The following SLC25A38 variants were observed in gnomAD, a reference collection of about 807,000 sequenced individuals.
SLC25A38 encodes the protein solute carrier family 25 member 38, also known as mitochondrial glycine transporter.
A neutral mutation model predicts 33.4 loss-of-function variants in SLC25A38; 27 were observed. The ratio of observed to expected loss-of-function variants is 0.81; its 90% confidence interval spans 0.60 to 1.11. The LOEUF (loss-of-function observed/expected upper bound fraction) is 1.11, where lower values mean the gene tolerates loss of function less well. Among genes scored for constraint, SLC25A38 ranks in the 50% most tolerant of loss-of-function variants. The pLI, the probability that SLC25A38 is intolerant of heterozygous loss-of-function variation, is 0.00. For missense variants in SLC25A38, 344 were observed against 388.8 expected (o/e 0.88, Z 0.97); for synonymous variants, 123 against 145.9 (o/e 0.84, Z 1.13).
At chr3:39,388,185 G>A (rs1020614075) in intron 1 of SLC25A38, among the ~76,000 whole-genome samples, 1 of 152,192 alleles carries the variant, frequency 6.6e-6, no homozygotes, top group Non-Finnish European at 1.5e-5. Context: ...TGGCAGAAGA[G>A]CAGGACACCT....
rs1355041819 is a variant in SLC25A38, at chr3:39,384,505, C to CT, written c.69+716dup. On this transcript the variant is annotated intron_variant, in intron 1 of 6. Transcript: ENST00000650617. Reference sequence around the variant, plus strand: ...GGTCTTGCGCCCGAGGTAGGGGCGGCTTTTATTTTTTTTTTTAATCCTTAA... The same window carrying CT: ...GGTCTTGCGCCCGAGGTAGGGGCGGCTTTTTATTTTTTTTTTTAATCCTTAA... 1,926 of 390,166 alleles carry CT rather than the reference C, an allele frequency of 4.9e-3. 34 individuals are homozygous for CT. Among genetic ancestry groups the CT allele is most frequent in the African/African-American group, 0.037 (1,794 of 48,112 alleles). 24.2% of individuals were successfully genotyped at this position (390,166 alleles called of 1,614,324 possible). A position where few individuals can be genotyped will look rare whatever the true frequency, so the allele number is the denominator to read the frequency against.
chr3:39,393,757 C>T (rs1352605370), intron 5 of SLC25A38, among the ~76,000 whole-genome samples: 1 of 152,184 alleles, frequency 6.6e-6, no homozygotes, highest in Non-Finnish European at 1.5e-5. Flanking sequence ...CCTCGGCCTC[C>T]GAAAGTGTTG....
intron 4 of SLC25A38, 41 bp from the exon 5 acceptor site, chr3:39,391,812 G>A (rs914496880): frequency 6.2e-7 from 1 of 1,612,678 alleles, no homozygotes; most frequent in Non-Finnish European, 8.5e-7. Flanking sequence ...CTGAAATGCA[G>A]CGCCTCCATG....
rs35283414 is a variant in SLC25A38 at position 39,392,312 on chromosome 3, G to A, written c.625+291G>A. Among the ~76,000 whole-genome samples, 39,868 of 150,716 alleles carry A rather than the reference G, an allele frequency of 0.26. 5,840 individuals carry two copies. Among genetic ancestry groups the A allele is most frequent in the Non-Finnish European group, 0.32 (21,616 of 67,822 alleles). On this transcript the variant is annotated intron_variant, in intron 5 of 6. Coordinates refer to ENST00000650617, the MANE Select transcript of SLC25A38 (RefSeq NM_017875.4). ...CATGCTTTGCAGAGTTTCTGCAACA[G>A]TACTTCCCAAATTTGATCTTAAGAT...
intron 5 of SLC25A38, among the ~76,000 whole-genome samples, chr3:39,393,503 T>C (rs1406270564): frequency 6.6e-6 from 1 of 152,128 alleles, no homozygotes; most frequent in South Asian, 2.1e-4. Flanking sequence ...ACCTAGATAA[T>C]TTTTTCTTTT....
intron 1 of SLC25A38, among the ~76,000 whole-genome samples, chr3:39,387,021 T>C (rs2125575596): frequency 6.6e-6 from 1 of 151,712 alleles, no homozygotes; most frequent in Middle Eastern, 3.4e-3. Context: ...GGGAGTATGG[T>C]TCATTTAAGG....
chr3:39,391,888 C>T lies in SLC25A38; in HGVS notation c.492C>T (p.Ala164=), dbSNP rs1553611824. 1 of 1,613,922 alleles carries T rather than the reference C, an allele frequency of 6.2e-7. No homozygotes were observed. The change falls in exon 5 of 7, where the codon GCC becomes GCT. Residue 164 remains alanine, a synonymous_variant. Coordinates refer to ENST00000650617, the MANE Select transcript of SLC25A38 (RefSeq NM_017875.4). ...ATGGCTATGAGAGTATCTACGCTGCCCTGAGGAGCATCTATCACAGTGAGG... is the reference window on the plus strand; with the variant it reads ...ATGGCTATGAGAGTATCTACGCTGCTCTGAGGAGCATCTATCACAGTGAGG... ...GKYGYESIYA[A]LRSIYHSEGH... is the part of the protein sequence containing the mutation.
intron 6 of SLC25A38, among the ~76,000 whole-genome samples, 173 bp from the exon 7 acceptor site, chr3:39,396,223 ATT>A (rs901344070): frequency 3.0e-4 from 45 of 150,686 alleles, no homozygotes; most frequent in South Asian, 1.5e-3. Context: ...AAAAAAAAAA[ATT>A]TTTTTTAAGT....
intron 5 of SLC25A38, among the ~76,000 whole-genome samples, chr3:39,394,123 C>T (rs2041804213): frequency 6.6e-6 from 1 of 152,182 alleles, no homozygotes; most frequent in South Asian, 2.1e-4. Context: ...GGGAAGATAA[C>T]TTTGAATCTG....
At chr3:39,385,155 C>T (rs1182706044) in intron 1 of SLC25A38, among the ~76,000 whole-genome samples, 2 of 152,144 alleles carry the variant, frequency 1.3e-5, no homozygotes, top group African/African-American at 4.8e-5. Context: ...TGCCATTCAC[C>T]ATTGACAAAA....
intron 5 of SLC25A38, among the ~76,000 whole-genome samples, chr3:39,392,964 C>T (rs1559393482): frequency 6.6e-6 from 1 of 152,202 alleles, no homozygotes; most frequent in Non-Finnish European, 1.5e-5. Flanking sequence ...CCCATCACTT[C>T]TTGGCCTTTT....
chr3:39,392,821 C>G (rs1314176651), intron 5 of SLC25A38, among the ~76,000 whole-genome samples: 1 of 152,214 alleles, frequency 6.6e-6, no homozygotes, highest in African/African-American at 2.4e-5. Flanking sequence ...GGGAGATTTG[C>G]TGCTTCTACC....
chr3:39,384,977 T>C (rs1345025064), intron 1 of SLC25A38, among the ~76,000 whole-genome samples: 1 of 152,046 alleles, frequency 6.6e-6, no homozygotes, highest in East Asian at 1.9e-4. Flanking sequence ...AGTTTTTGTA[T>C]TTTTAGTAGA....
At chr3:39,391,717 C>T in intron 4 of SLC25A38, 97 bp downstream of exon 4, 1 of 1,602,302 alleles carries the variant, frequency 6.2e-7, no homozygotes, top group Non-Finnish European at 8.5e-7. Flanking sequence ...TGTAATCTAA[C>T]ATAGAGTCTG....
intron 3 of SLC25A38, 41 bp from the exon 4 acceptor site, chr3:39,391,400 T>A: frequency 6.2e-7 from 1 of 1,611,548 alleles, no homozygotes; most frequent in Non-Finnish European, 8.5e-7. Context: ...ACTTAAAGTG[T>A]TTGGTCTTTG....
At chr3:39,388,031 A>G (rs2041723762) in intron 1 of SLC25A38, among the ~76,000 whole-genome samples, 2 of 152,124 alleles carry the variant, frequency 1.3e-5, no homozygotes, top group African/African-American at 2.4e-5. Flanking sequence ...CAGGCTGGAA[A>G]GATGGATGCT....
chr3:39,391,382 A>G, intron 3 of SLC25A38, 59 bp from the exon 4 acceptor site: 2 of 1,610,270 alleles, frequency 1.2e-6, no homozygotes. Context: ...AAACCCAGCT[A>G]AGATAATACT....
chr3:39,396,453 C>G lies in SLC25A38; in HGVS notation c.848C>G (p.Thr283Ser). Reference sequence around the variant, plus strand: ...GGCATCCCCCGAGCCCTCCGCAGAACTCTAATGGCAGCAATGGCGTGGACG... The same window carrying G: ...GGCATCCCCCGAGCCCTCCGCAGAAGTCTAATGGCAGCAATGGCGTGGACG... ...QGGIPRALRR[T>S]LMAAMAWTVY... The change falls in exon 7 of 7, where the codon ACT becomes AGT. Residue 283 changes from threonine (T) to serine (S), a missense_variant. Thr to Ser is a moderately conservative substitution (Grantham distance 58, BLOSUM62 1). Coordinates refer to ENST00000650617, the MANE Select transcript of SLC25A38 (RefSeq NM_017875.4). 1 of 1,614,100 alleles carries G rather than the reference C, an allele frequency of 6.2e-7. No individual in the cohort carries two copies. Among genetic ancestry groups the G allele is most frequent in the Non-Finnish European group, 8.5e-7 (1 of 1,180,026 alleles).
chr3:39,389,770 T>C lies in SLC25A38; in HGVS notation c.191+154T>C, dbSNP rs2041741175. Among the ~76,000 whole-genome samples the C allele has an allele frequency of 6.6e-6, 1 of 152,214 alleles. No homozygotes were observed. Among genetic ancestry groups the C allele is most frequent in the Non-Finnish European group, 1.5e-5 (1 of 68,042 alleles). ...ATATGTTCTCTGAATTGTTTTTATA[T>C]TTGACATTTCTTTTTAATTAAATGG... On this transcript the variant is annotated intron_variant, in intron 2 of 6. Coordinates refer to ENST00000650617, the MANE Select transcript of SLC25A38 (RefSeq NM_017875.4). This position sits in a 1 kb window ranked among gnomAD's most constrained non-coding sequence, Gnocchi z 4.5.
Sources: allele counts gnomAD v4.1 joint callset (sites outside exome capture counted in the v4.1 genomes callset), GRCh38; gene constraint gnomAD v4.1.1; non-coding constraint Gnocchi (gnomAD v3.1); transcripts MANE v1.5; gene names NCBI Gene and HGNC (gene_info 2026-07-23, HGNC 2026-07-21).